The following GRM8 variants were observed in gnomAD, a reference collection of about 807,000 sequenced individuals.
GRM8 encodes the protein metabotropic glutamate receptor 8.
A neutral mutation model predicts 87.2 loss-of-function variants in GRM8; 47 were observed. The observed-to-expected ratio is 0.54, with a 90% CI of 0.43 to 0.69. The LOEUF is 0.69. Ranked by LOEUF, GRM8 falls within the 30% of genes least tolerant of loss-of-function variation. The pLI is 0.00. For missense variants in GRM8, 1,019 were observed against 1,139.2 expected, an observed-to-expected ratio of 0.89 and a Z score of 1.52; for synonymous variants, 396 against 404.5, an observed-to-expected ratio of 0.98 and a Z score of 0.25.
chr7:126,704,166 T>G lies in GRM8; in HGVS notation c.1357+65699A>C, dbSNP rs146514819. ...AGCCATGGCAGAAGAATGTGAATTG[T>G]GAAGATTTCATGGACATTTATTAGT... On this transcript the variant is annotated intron_variant, in intron 7 of 10. Coordinates refer to ENST00000339582, the MANE Select transcript of GRM8 (RefSeq NM_000845.3). Among the ~76,000 whole-genome samples the G allele has an allele frequency of 9.9e-3, 1,503 of 152,286 alleles. 15 individuals are homozygous for G. Among genetic ancestry groups the G allele is most frequent in the Non-Finnish European group, 0.014 (984 of 68,000 alleles).
Position 127,044,433 on chromosome 7 carries a change from T to A in GRM8, c.727+62063A>T, listed in dbSNP as rs1320529136. On this transcript the variant is annotated intron_variant, in intron 3 of 10. Transcript: ENST00000339582. ...CTACTTTTCCACATGGGACATGAAA[T>A]TGAGTCTATTTAAAAGTTCTGGCAC... Among the ~76,000 whole-genome samples, 3 of 152,158 alleles carry A rather than the reference T, an allele frequency of 2.0e-5. No individual in the cohort carries two copies. The East Asian group carries it at 5.8e-4, about 29-fold the overall frequency.
chr7:127,209,791 G>T (rs931445628), intron 2 of GRM8, among the ~76,000 whole-genome samples: 5 of 152,160 alleles, frequency 3.3e-5, no homozygotes, highest in African/African-American at 9.7e-5. Context: ...AGACAAAGCT[G>T]TGCTAAACAC....
At chr7:126,955,934 A>T (rs190957378) in intron 3 of GRM8, among the ~76,000 whole-genome samples, 8 of 152,112 alleles carry the variant, frequency 5.3e-5, no homozygotes, top group African/African-American at 1.7e-4. Flanking sequence ...TCTAGAGATG[A>T]TATTCCCATT....
chr7:126,959,448 A>G (rs1044517864), intron 3 of GRM8, among the ~76,000 whole-genome samples: 2 of 152,164 alleles, frequency 1.3e-5, no homozygotes, highest in African/African-American at 4.8e-5. Context: ...TGCTTATTTG[A>G]GAGATAATAA....
chr7:126,440,131 T>A (rs1182038195), intron 10 of GRM8, among the ~76,000 whole-genome samples: 1 of 151,750 alleles, frequency 6.6e-6, no homozygotes, highest in East Asian at 2.0e-4. Flanking sequence ...ATATCTACAG[T>A]GGCTGGGTGC....
intron 7 of GRM8, among the ~76,000 whole-genome samples, chr7:126,645,726 T>A (rs1207924124): frequency 6.6e-6 from 1 of 152,198 alleles, no homozygotes; most frequent in Non-Finnish European, 1.5e-5. Flanking sequence ...GTCTGATTAG[T>A]ACTAAGTAGT....
intron 6 of GRM8, among the ~76,000 whole-genome samples, chr7:126,896,341 C>T (rs1050764587): frequency 1.3e-5 from 2 of 151,798 alleles, no homozygotes; most frequent in African/African-American, 2.4e-5. Context: ...GTAGTGCTCA[C>T]GTAAAGGCAT....
chr7:126,703,063 T>G (rs1422650625), intron 7 of GRM8, among the ~76,000 whole-genome samples: 1 of 152,136 alleles, frequency 6.6e-6, no homozygotes, highest in African/African-American at 2.4e-5. Flanking sequence ...ATTAGGGCCA[T>G]GTCAGTGAGA....
chr7:127,137,100 T>C (rs1827983623), intron 2 of GRM8, among the ~76,000 whole-genome samples: 1 of 152,112 alleles, frequency 6.6e-6, no homozygotes, highest in Non-Finnish European at 1.5e-5. Context: ...AAACCAGCTA[T>C]GTGATCTTGG....
intron 3 of GRM8, among the ~76,000 whole-genome samples, chr7:127,041,034 G>A (rs572391969): frequency 4.0e-4 from 61 of 152,310 alleles, no homozygotes; most frequent in Non-Finnish European, 4.9e-4. Context: ...AATGGCAAAC[G>A]CATTGAATTA....
chr7:126,616,974 T>C (rs1376880726), intron 7 of GRM8, among the ~76,000 whole-genome samples: 3 of 152,190 alleles, frequency 2.0e-5, no homozygotes, highest in Admixed American at 2.0e-4. Context: ...CCATTCCTTC[T>C]GAAAATATTC....
At position 126,744,532 on chromosome 7, in the gene GRM8, A is replaced by G. The variant is rs116985518; in HGVS notation, c.1357+25333T>C. 8.7e-3 allele frequency among the ~76,000 whole-genome samples: 1,318 copies of G among 152,176 alleles called. 5 individuals are homozygous for G. Among genetic ancestry groups the G allele is most frequent in the Non-Finnish European group, 0.014 (920 of 67,938 alleles). On this transcript the variant is annotated intron_variant, in intron 7 of 10. Coordinates refer to ENST00000339582, the MANE Select transcript of GRM8 (RefSeq NM_000845.3). The stretch of plus-strand genomic sequence containing the variant: ...TAAAATGTTCCAACATTTAAAAGAG[A>G]TACATAACTCAGTGAACCAATATTT...
intron 7 of GRM8, among the ~76,000 whole-genome samples, chr7:126,615,933 T>C (rs1799440805): frequency 6.6e-6 from 1 of 152,048 alleles, no homozygotes; most frequent in African/African-American, 2.4e-5. Flanking sequence ...ATGGGAGACT[T>C]TAACACCCCA....
chr7:126,488,174 GA>G (rs144442512), intron 9 of GRM8, among the ~76,000 whole-genome samples: 2 of 148,576 alleles, frequency 1.3e-5, no homozygotes, highest in African/African-American at 4.9e-5. Flanking sequence ...TAACTGGACA[GA>G]AAAAAAAACA....
At chr7:127,241,379 A>G (rs1424126851) in intron 2 of GRM8, among the ~76,000 whole-genome samples, 2 of 151,534 alleles carry the variant, frequency 1.3e-5, no homozygotes, top group Admixed American at 1.3e-4. Context: ...CATCTGTCCA[A>G]CTTCTCCATA....
In GRM8 at chr7:126,643,319, A is replaced by AATAT. The variant is rs1198296006; in HGVS notation, c.1358-33825_1358-33822dup. On this transcript the variant is annotated intron_variant, in intron 7 of 10. Coordinates refer to ENST00000339582, the MANE Select transcript of GRM8 (RefSeq NM_000845.3). The stretch of plus-strand genomic sequence containing the variant: ...AAAAAAAAAAAAAAAAAAAAAAAAA[A>AATAT]ATATATATATATATATATATATATA... 2.9e-3 allele frequency among the ~76,000 whole-genome samples: 103 copies of AATAT among 36,100 alleles called. 2 individuals are homozygous for AATAT. Among genetic ancestry groups the AATAT allele is most frequent in the African/African-American group, 4.0e-3 (31 of 7,796 alleles). 23.7% of individuals were successfully genotyped at this position (36,100 alleles called of 152,430 possible).
At chr7:127,044,715 G>A (rs1054362249) in intron 3 of GRM8, among the ~76,000 whole-genome samples, 6 of 152,122 alleles carry the variant, frequency 3.9e-5, no homozygotes, top group African/African-American at 1.4e-4. Context: ...TAATGATTTT[G>A]CAGGGAGGTA....
chr7:127,047,378 G>T (rs1819033695), intron 3 of GRM8, among the ~76,000 whole-genome samples: 1 of 152,144 alleles, frequency 6.6e-6, no homozygotes, highest in Admixed American at 6.5e-5. Flanking sequence ...AAGCAGGAAA[G>T]GAGGCCAAAG....
At chr7:126,517,761 G>T (rs935352810) in intron 9 of GRM8, among the ~76,000 whole-genome samples, 1 of 152,030 alleles carries the variant, frequency 6.6e-6, no homozygotes, top group Admixed American at 6.6e-5. Flanking sequence ...GGGGAATTAA[G>T]ATTCTGGAGA....
Sources: gnomAD v4.1 joint callset for allele counts (sites outside exome capture counted in the v4.1 genomes callset) on GRCh38, gnomAD v4.1.1 for gene constraint, MANE v1.5 for transcripts, NCBI Gene and HGNC (gene_info 2026-07-23, HGNC 2026-07-21) for gene names.